SACS: variants seen among roughly 807,000 people sequenced by gnomAD.
SACS encodes the protein sacsin.
A neutral mutation model predicts 348.0 loss-of-function variants in SACS; 197 were observed. The observed-to-expected ratio is 0.57, with a 90% CI of 0.50 to 0.64. The LOEUF (loss-of-function observed/expected upper bound fraction) is 0.64. SACS is among the 30% of genes least tolerant of loss of function. SACS has a pLI of 0.00. For missense variants in SACS, 4,999 were observed against 5,360.8 expected (o/e 0.93, Z 2.11); for synonymous variants, 1,985 against 1,910.6 (o/e 1.04, Z -1.02).
chr13:23,331,342 C>T lies in SACS; in HGVS notation c.12534G>A (p.Pro4178=), dbSNP rs765128892. ...LLMDPMNVFY[P]GEYVGYLVDA... is the part of the protein sequence containing the mutation. The stretch of plus-strand genomic sequence containing the variant: ...CAACAAGGTACCCAACATATTCTCC[C>T]GGGTAAAAAACATTCATTGGGTCCA... Residue 4178 remains proline, a synonymous_variant, in exon 10 of 10, where the codon CCG becomes CCA. Coordinates refer to ENST00000382292, the MANE Select transcript of SACS (RefSeq NM_014363.6). 39 of 1,613,766 alleles carry T rather than the reference C, an allele frequency of 2.4e-5. No individual in the cohort carries two copies. Among genetic ancestry groups the T allele is most frequent in the African/African-American group, 1.7e-4 (13 of 74,866 alleles).
intron 1 of SACS, among the ~76,000 whole-genome samples, chr13:23,422,326 CTG>C (rs1398071024): frequency 6.6e-6 from 1 of 152,076 alleles, no homozygotes; most frequent in East Asian, 1.9e-4. Context: ...TGAATGTAAC[CTG>C]TGTTTTTATT....
In SACS at chr13:23,329,858, T is replaced by G. The variant is rs1883354762; in HGVS notation, c.*278A>C. The G allele has an allele frequency of 5.9e-6, 3 of 509,604 alleles. No individual in the cohort carries two copies. The highest frequency in any genetic ancestry group is 1.1e-5 in the Non-Finnish European group (3 of 284,894). 31.6% of individuals were successfully genotyped at this position (509,604 alleles called of 1,614,324 possible). A position where few individuals can be genotyped will look rare whatever the true frequency, so the allele number is the denominator to read the frequency against. On this transcript the variant is annotated 3_prime_UTR_variant, in exon 10 of 10. Transcript: ENST00000382292. ...CTCTTATCTAACAAACTGCTAAGCT[T>G]TGGTTATATAAAGTGCAGTTCAATG...
intron 2 of SACS, among the ~76,000 whole-genome samples, chr13:23,383,571 T>A (rs1872156151): frequency 6.6e-6 from 1 of 152,086 alleles, no homozygotes; most frequent in South Asian, 2.1e-4. Flanking sequence ...TTTTGCACCT[T>A]TCTCAGCCCA....
Position 23,340,833 on chromosome 13 carries a change from A to G in SACS, c.3043T>C (p.Trp1015Arg). 6.2e-7 allele frequency: 1 copy of G among 1,604,560 alleles called. No individual in the cohort carries two copies. The highest frequency in any genetic ancestry group is 8.5e-7 in the Non-Finnish European group (1 of 1,174,462). Residue 1015 changes from tryptophan to arginine, a missense_variant, in exon 10 of 10, where the codon TGG becomes CGG. This residue lies in a region of SACS where 3,156 missense variants were observed against 3,380.1 expected (regional missense o/e 0.93). Coordinates refer to ENST00000382292, the MANE Select transcript of SACS (RefSeq NM_014363.6). ...SHEEVTQLML[W>R]VLENLSSLKN... The stretch of plus-strand genomic sequence containing the variant: ...AGAGAAGATAGATTCTCAAGGACCC[A>G]TAACATAAGCTGTGTTACCTCTTCA...
intron 2 of SACS, among the ~76,000 whole-genome samples, chr13:23,402,706 G>A (rs994420991): frequency 6.6e-5 from 10 of 152,202 alleles, no homozygotes; most frequent in Non-Finnish European, 1.0e-4. Flanking sequence ...CGGGAAATCT[G>A]CCTGGTACCT....
chr13:23,404,190 G>C (rs1002546972), intron 2 of SACS, among the ~76,000 whole-genome samples: 1 of 152,204 alleles, frequency 6.6e-6, no homozygotes, highest in Non-Finnish European at 1.5e-5. Flanking sequence ...TAAGTGCGAT[G>C]TAGTGCTGAG....
intron 7 of SACS, among the ~76,000 whole-genome samples, chr13:23,357,395 T>C (rs1320332526): frequency 1.3e-5 from 2 of 152,212 alleles, no homozygotes; most frequent in African/African-American, 2.4e-5. Context: ...TAATAGAATA[T>C]ATATGTATGA....
At position 23,334,992 on chromosome 13, in the gene SACS, A is replaced by C; in HGVS notation, c.8884T>G (p.Phe2962Val). 6.2e-7 allele frequency: 1 copy of C among 1,613,888 alleles called. No homozygotes were observed. The change falls in exon 10 of 10, where the codon TTT (phenylalanine) becomes GTT (valine). Residue 2962 changes from phenylalanine (F) to valine (V), a missense_variant. Around this residue, in one of 6 missense-constraint regions of SACS, gnomAD observed 734 missense variants for 694.0 expected, o/e 1.06. Coordinates refer to ENST00000382292, the MANE Select transcript of SACS (RefSeq NM_014363.6). ...VKDTLKKFLS[F>V]FPVNRLDLQP... The stretch of plus-strand genomic sequence containing the variant: ...AGATCAAGACGGTTAACTGGGAAAA[A>C]CGATAAAAACTTCTTTAAAGTGTCC...
In SACS at chr13:23,334,460, C is replaced by A; in HGVS notation, c.9416G>T (p.Cys3139Phe). The A allele has an allele frequency of 6.2e-7, 1 of 1,612,506 alleles. No individual in the cohort carries two copies. Among genetic ancestry groups the A allele is most frequent in the Non-Finnish European group, 8.5e-7 (1 of 1,179,732 alleles). ...FHSLKLLVDYCFKDAEENEIE... is the reference protein window; with the variant it reads ...FHSLKLLVDYFFKDAEENEIE... ...CTCATTTTCTTCTGCATCTTTAAAA[C>A]AATAATCAACTAAAAGTTTTAAACT... Residue 3139 changes from cysteine (C) to phenylalanine (F), a missense_variant, in exon 10 of 10, where the codon TGT (cysteine) becomes TTT (phenylalanine). Transcript: ENST00000382292.
chr13:23,371,749 G>A (rs1364531804), intron 3 of SACS, among the ~76,000 whole-genome samples: 1 of 152,126 alleles, frequency 6.6e-6, no homozygotes, highest in Non-Finnish European at 1.5e-5. Context: ...ACATACGTAA[G>A]TATACACACA....
In SACS at chr13:23,335,722, T is replaced by C. The variant is rs773434326; in HGVS notation, c.8154A>G (p.Ala2718=). 18 of 1,614,080 alleles carry C rather than the reference T, an allele frequency of 1.1e-5. No individual in the cohort carries two copies. The East Asian group carries it at 1.3e-4, about 12-fold the overall frequency. Residue 2718 remains alanine (A), a synonymous_variant, in exon 10 of 10, where the codon GCA becomes GCG. Transcript: ENST00000382292. The surrounding 1 kb of genome is among the most constrained non-coding windows in gnomAD (Gnocchi z 4.7). ...AAAGATTCTGGACCATTCTGTCTGA[T>C]GCTGGAACAGACGAAATTTCCGAAA... The part of the protein sequence containing the change: ...AKVSEISSVP[A]SDRMVQNLLD...
chr13:23,357,512 A>T (rs924045303), intron 7 of SACS, among the ~76,000 whole-genome samples: 9 of 152,072 alleles, frequency 5.9e-5, no homozygotes, highest in Admixed American at 2.0e-4. Context: ...GAATAGTACC[A>T]CCCTCCTTCA....
chr13:23,403,153 G>A (rs1873057059), intron 2 of SACS, among the ~76,000 whole-genome samples: 1 of 151,778 alleles, frequency 6.6e-6, no homozygotes, highest in South Asian at 2.1e-4. Context: ...ACTCTAGCCT[G>A]GGCAACAGAG....
At chr13:23,368,024 C>T (rs1053360535) in intron 5 of SACS, among the ~76,000 whole-genome samples, 1 of 152,206 alleles carries the variant, frequency 6.6e-6, no homozygotes, top group Admixed American at 6.5e-5. Context: ...AATGGGCATG[C>T]ATTCAAGCCT....
intron 1 of SACS, among the ~76,000 whole-genome samples, chr13:23,413,606 A>G (rs1873586560): frequency 6.6e-6 from 1 of 152,176 alleles, no homozygotes; most frequent in South Asian, 2.1e-4. Flanking sequence ...CCTAAGCTAT[A>G]CTGATTACAT....
chr13:23,361,433 ACT>A (rs1292311615), intron 6 of SACS, among the ~76,000 whole-genome samples: 2 of 152,056 alleles, frequency 1.3e-5, no homozygotes, highest in Non-Finnish European at 2.9e-5. Flanking sequence ...GCCTGTATCT[ACT>A]CTGATCAAAA....
chr13:23,341,555 G>A lies in SACS; in HGVS notation c.2321C>T (p.Pro774Leu). 2 of 1,614,026 alleles carry A rather than the reference G, an allele frequency of 1.2e-6. No homozygotes were observed. Among genetic ancestry groups the A allele is most frequent in the Non-Finnish European group, 1.7e-6 (2 of 1,179,982 alleles). The stretch of plus-strand genomic sequence containing the variant: ...AACCATCTTAAGCCATGAAACAGAT[G>A]GGTGATTTCTGTTTTCATCAAATGG... Reference protein sequence around the residue: ...WYPFDENRNHPSVSWLKMVWK... With the variant: ...WYPFDENRNHLSVSWLKMVWK... The change falls in exon 10 of 10, where the codon CCA (proline) becomes CTA (leucine). Residue 774 changes from proline to leucine, a missense_variant. Pro to Leu is a moderately conservative substitution (Grantham distance 98, BLOSUM62 -3). Coordinates refer to ENST00000382292, the MANE Select transcript of SACS (RefSeq NM_014363.6).
rs769714986 is a variant in SACS, at chr13:23,332,797, T to C, written c.11079A>G (p.Gln3693=). Residue 3693 remains glutamine (Q), a synonymous_variant, in exon 10 of 10, where the codon CAA becomes CAG. Transcript: ENST00000382292. The part of the protein sequence containing the change: ...NGAQVNPKFK[Q]CDVLQLLWTS... ...TCCATAACAGCTGGAGTACATCACA[T>C]TGCTTGAATTTTGGATTTACCTGTG... 1 of 1,613,930 alleles carries C rather than the reference T, an allele frequency of 6.2e-7. No homozygotes were observed. Among genetic ancestry groups the C allele is most frequent in the Admixed American group, 1.7e-5 (1 of 60,020 alleles).
chr13:23,334,849 T>C lies in SACS; in HGVS notation c.9027A>G (p.Ala3009=). 6.2e-6 allele frequency: 10 copies of C among 1,613,860 alleles called. No individual in the cohort carries two copies. Among genetic ancestry groups the C allele is most frequent in the Non-Finnish European group, 7.6e-6 (9 of 1,179,844 alleles). The part of the protein sequence containing the change: ...PNIDGSDLHS[A]VIITWINMST... ...ACATATTGATCCAAGTAATTATAACTGCAGAGTGCAAGTCAGAGCCATCAA... is the reference window on the plus strand; with the variant it reads ...ACATATTGATCCAAGTAATTATAACCGCAGAGTGCAAGTCAGAGCCATCAA... Residue 3009 remains alanine, a synonymous_variant, in exon 10 of 10, where the codon GCA becomes GCG. Coordinates refer to ENST00000382292, the MANE Select transcript of SACS (RefSeq NM_014363.6).
Sources: allele counts gnomAD v4.1 joint callset (sites outside exome capture counted in the v4.1 genomes callset), GRCh38; gene constraint gnomAD v4.1.1; regional missense constraint gnomAD v4.1.1; non-coding constraint Gnocchi (gnomAD v3.1); transcripts MANE v1.5; gene names NCBI Gene and HGNC (gene_info 2026-07-23, HGNC 2026-07-21).